KCNQ5: variants seen among roughly 807,000 people sequenced by gnomAD.
KCNQ5 encodes the protein potassium voltage-gated channel subfamily Q member 5, also known as potassium voltage-gated channel subfamily KQT member 5.
Under a neutral mutation model 98.2 loss-of-function variants are expected in KCNQ5, and 30 were observed. That is an observed-to-expected ratio of 0.31 (90% CI 0.23 to 0.41). The LOEUF (loss-of-function observed/expected upper bound fraction) is 0.41. Among genes scored for constraint, KCNQ5 ranks in the 10% least tolerant of loss-of-function variants. The pLI is 1.00. For missense variants in KCNQ5, 835 were observed against 1,182.5 expected, an observed-to-expected ratio of 0.71 and a Z score of 4.31; for synonymous variants, 458 against 449.4, an observed-to-expected ratio of 1.02 and a Z score of -0.24.
At chr6:72,864,614 C>T (rs1777904105) in intron 1 of KCNQ5, among the ~76,000 whole-genome samples, 1 of 152,088 alleles carries the variant, frequency 6.6e-6, no homozygotes, top group Non-Finnish European at 1.5e-5. Flanking sequence ...TGAAGCCATG[C>T]AGAATTATTT....
intron 1 of KCNQ5, among the ~76,000 whole-genome samples, chr6:72,765,817 T>C (rs1342273905): frequency 6.6e-6 from 1 of 152,022 alleles, no homozygotes; most frequent in Admixed American, 6.6e-5. Context: ...GTGATTAGAC[T>C]GTAGGTAGGA....
At chr6:72,655,639 G>T (rs1262327646) in intron 1 of KCNQ5, among the ~76,000 whole-genome samples, 2 of 152,152 alleles carry the variant, frequency 1.3e-5, no homozygotes, top group Non-Finnish European at 2.9e-5. Flanking sequence ...AAGAAAAAGG[G>T]ACATAAAAGT....
intron 1 of KCNQ5, among the ~76,000 whole-genome samples, chr6:72,874,746 C>A (rs910313275): frequency 1.2e-4 from 18 of 152,094 alleles, no homozygotes; most frequent in African/African-American, 4.3e-4. Context: ...ACTTGAAGGG[C>A]AGAACAAGAT....
intron 1 of KCNQ5, among the ~76,000 whole-genome samples, chr6:72,941,711 T>C (rs1766319756): frequency 1.4e-4 from 4 of 29,418 alleles, no homozygotes; most frequent in East Asian, 3.0e-3. Flanking sequence ...TTTCTTTCTT[T>C]CTTTCTTTCT....
intron 1 of KCNQ5, among the ~76,000 whole-genome samples, chr6:72,896,934 T>TGG (rs1257432400): frequency 2.6e-5 from 4 of 151,696 alleles, no homozygotes; most frequent in African/African-American, 9.8e-5. Context: ...GGTTTTTTGT[T>TGG]TGTTTGTTGG....
At chr6:72,775,094 T>C (rs1264488214) in intron 1 of KCNQ5, among the ~76,000 whole-genome samples, 3 of 152,174 alleles carry the variant, frequency 2.0e-5, no homozygotes, top group African/African-American at 4.8e-5. Flanking sequence ...TAAATACATG[T>C]GTTATATTCA....
intron 1 of KCNQ5, among the ~76,000 whole-genome samples, chr6:72,988,649 C>CT (rs71540364): frequency 0.65 from 83,672 of 127,864 alleles, 27,559 homozygotes; most frequent in South Asian, 0.74. Context: ...GCATGATTTT[C>CT]TTTTTTTTTT....
At chr6:73,086,728 C>T (rs1385117376) in intron 5 of KCNQ5, among the ~76,000 whole-genome samples, 6 of 152,090 alleles carry the variant, frequency 3.9e-5, no homozygotes, top group Non-Finnish European at 5.9e-5. Flanking sequence ...AATCCCTACC[C>T]AAAGAAAAAT....
At chr6:72,933,682 A>G (rs1464586086) in intron 1 of KCNQ5, among the ~76,000 whole-genome samples, 1 of 152,240 alleles carries the variant, frequency 6.6e-6, no homozygotes, top group Non-Finnish European at 1.5e-5. Flanking sequence ...CTGCAAAAAT[A>G]CAATGTATAA....
intron 10 of KCNQ5, among the ~76,000 whole-genome samples, chr6:73,149,533 C>G (rs1309136164): frequency 6.6e-5 from 10 of 152,170 alleles, no homozygotes; most frequent in Non-Finnish European, 1.2e-4. Context: ...TGTGGTGGCT[C>G]ACGCCTGTAA....
At chr6:72,868,933 A>G (rs992598995) in intron 1 of KCNQ5, among the ~76,000 whole-genome samples, 1 of 152,198 alleles carries the variant, frequency 6.6e-6, no homozygotes, top group Non-Finnish European at 1.5e-5. Context: ...TCACAGCACA[A>G]CAGAACAATA....
intron 1 of KCNQ5, chr6:72,986,679 A>T: frequency 1.0e-6 from 1 of 992,750 alleles, no homozygotes; most frequent in Non-Finnish European, 1.5e-6. Context: ...GGCCATTTGG[A>T]GTTCCTCTGT....
At chr6:73,120,872 G>T (rs1041302478) in intron 8 of KCNQ5, among the ~76,000 whole-genome samples, 1 of 152,118 alleles carries the variant, frequency 6.6e-6, no homozygotes, top group African/African-American at 2.4e-5. Context: ...AAGCCCACCA[G>T]CATCCTAAAG....
chr6:73,040,354 G>A (rs1212781486), intron 2 of KCNQ5, among the ~76,000 whole-genome samples: 3 of 152,194 alleles, frequency 2.0e-5, no homozygotes, highest in African/African-American at 7.2e-5. Context: ...GGATTAAAAA[G>A]TGGATCTGCC....
intron 6 of KCNQ5, 103 bp from the exon 7 acceptor site, chr6:73,111,205 A>G (rs1161531437): frequency 1.2e-5 from 9 of 760,128 alleles, no homozygotes; most frequent in Admixed American, 2.4e-5. Flanking sequence ...CAGGTTACAT[A>G]CCGTTTGTCT....
At chr6:73,120,309 A>G (rs1775694019) in intron 7 of KCNQ5, among the ~76,000 whole-genome samples, 174 bp from the exon 8 acceptor site, 1 of 152,178 alleles carries the variant, frequency 6.6e-6, no homozygotes, top group South Asian at 2.1e-4. Flanking sequence ...AATATGTTTA[A>G]CAGCCAGCTG....
chr6:72,942,538 C>A (rs932381621), intron 1 of KCNQ5, among the ~76,000 whole-genome samples: 2 of 152,274 alleles, frequency 1.3e-5, no homozygotes, highest in African/African-American at 4.8e-5. Flanking sequence ...GAAAGCATAA[C>A]CTCAGTGGCA....
At chr6:72,791,937 T>A (rs1205282858) in intron 1 of KCNQ5, among the ~76,000 whole-genome samples, 1 of 152,186 alleles carries the variant, frequency 6.6e-6, no homozygotes, top group Non-Finnish European at 1.5e-5. Flanking sequence ...GTCAACACTA[T>A]TGCATTGGAG....
At chr6:72,770,491 T>G (rs1219727483) in intron 1 of KCNQ5, among the ~76,000 whole-genome samples, 2 of 152,082 alleles carry the variant, frequency 1.3e-5, no homozygotes, top group Non-Finnish European at 2.9e-5. Flanking sequence ...TGACGGTAAA[T>G]ATTATAATCT....
Sources: gnomAD v4.1 joint callset for allele counts (sites outside exome capture counted in the v4.1 genomes callset) on GRCh38, gnomAD v4.1.1 for gene constraint, MANE v1.5 for transcripts, NCBI Gene and HGNC (gene_info 2026-07-23, HGNC 2026-07-21) for gene names.